FOXP2: variants seen among roughly 807,000 people sequenced by gnomAD.
FOXP2 encodes forkhead box P2, also known as forkhead box protein P2.
In FOXP2, 12 loss-of-function variants were observed where a neutral mutation model predicts 115.8. The observed-to-expected ratio is 0.10, with a 90% CI of 0.07 to 0.17. The LOEUF is 0.17. FOXP2 is among the 10% of genes least tolerant of loss of function. The pLI is 1.00. For synonymous variants in FOXP2, 328 were observed against 297.7 expected (o/e 1.10, Z -1.05); for missense variants, 629 against 843.5 (o/e 0.75, Z 3.15).
At chr7:114,095,711 A>G (rs1266740515) in intron 1 of FOXP2, among the ~76,000 whole-genome samples, 2 of 152,254 alleles carry the variant, frequency 1.3e-5, no homozygotes, top group Non-Finnish European at 2.9e-5. Context: ...GCTCATTTAT[A>G]TATTTAGCTG....
chr7:114,118,853 A>C (rs1367850115), intron 1 of FOXP2, among the ~76,000 whole-genome samples: 1 of 152,082 alleles, frequency 6.6e-6, no homozygotes, highest in Non-Finnish European at 1.5e-5. Context: ...AGTACTTAAG[A>C]GTGGATGATG....
chr7:114,553,934 A>G (rs1800332179), intron 3 of FOXP2, among the ~76,000 whole-genome samples: 1 of 152,102 alleles, frequency 6.6e-6, no homozygotes, highest in Non-Finnish European at 1.5e-5. Flanking sequence ...ATCTGATTGC[A>G]TTCCTTATTG....
Position 114,365,357 on chromosome 7 carries a change from A to G in FOXP2, c.-10-61145A>G, listed in dbSNP as rs1475576890. ...TATATCAAAACCTTAGTTTTAGAAT[A>G]AGTAGATTATAGAATGTACACAGAG... On this transcript the variant is annotated intron_variant, in intron 2 of 17. Transcript: ENST00000634411. Among the ~76,000 whole-genome samples the G allele has an allele frequency of 3.3e-5, 5 of 152,166 alleles. No individual in the cohort carries two copies. The East Asian group carries it at 7.7e-4, about 23-fold the overall frequency.
chr7:114,334,238 G>A (rs1797784541), intron 2 of FOXP2, among the ~76,000 whole-genome samples: 1 of 152,024 alleles, frequency 6.6e-6, no homozygotes, highest in African/African-American at 2.4e-5. Flanking sequence ...TCCATTCATT[G>A]CATGCTGTAT....
At position 114,659,619 on chromosome 7, in the gene FOXP2, C is replaced by T; in HGVS notation, c.1593C>T (p.Tyr531=). The T allele has an allele frequency of 1.2e-6, 2 of 1,613,712 alleles. No individual in the cohort carries two copies. Among genetic ancestry groups the T allele is most frequent in the Non-Finnish European group, 1.7e-6 (2 of 1,179,736 alleles). The change falls in exon 13 of 17, where the codon TAC becomes TAT. Residue 531 remains tyrosine (Y), a synonymous_variant. Transcript: ENST00000350908. ...GGCAGTTAACACTTAATGAAATTTACAGCTGGTTTACACGGACATTTGCTT... is the reference window on the plus strand; with the variant it reads ...GGCAGTTAACACTTAATGAAATTTATAGCTGGTTTACACGGACATTTGCTT... ...SDRQLTLNEI[Y]SWFTRTFAYF...
chr7:114,168,337 C>G (rs758602241), intron 1 of FOXP2, among the ~76,000 whole-genome samples: 8 of 152,190 alleles, frequency 5.3e-5, no homozygotes, highest in South Asian at 2.1e-4. Flanking sequence ...ATTCTGATAG[C>G]AATATGGACG....
At chr7:114,535,767 T>G (rs1799359594) in intron 3 of FOXP2, among the ~76,000 whole-genome samples, 1 of 151,588 alleles carries the variant, frequency 6.6e-6, no homozygotes, top group Admixed American at 6.6e-5. Flanking sequence ...GGGAACAAAG[T>G]CATCTGTGGA....
chr7:114,466,911 A>T (rs1795822042), intron 2 of FOXP2, among the ~76,000 whole-genome samples: 2 of 152,228 alleles, frequency 1.3e-5, no homozygotes, highest in South Asian at 4.1e-4. Flanking sequence ...TTGAAATTGT[A>T]AATATAACAC....
chr7:114,149,493 G>A (rs1792472536), intron 1 of FOXP2, among the ~76,000 whole-genome samples: 1 of 151,982 alleles, frequency 6.6e-6, no homozygotes, highest in South Asian at 2.1e-4. Context: ...TTTACAAAAA[G>A]TGCCTTCTAG....
intron 1 of FOXP2, among the ~76,000 whole-genome samples, chr7:114,132,030 G>A (rs959406375): frequency 1.3e-5 from 2 of 151,926 alleles, no homozygotes; most frequent in African/African-American, 2.4e-5. Flanking sequence ...TTATTGTTAT[G>A]TCTTCTTGGA....
chr7:114,127,090 C>T (rs116847546), intron 1 of FOXP2, among the ~76,000 whole-genome samples: 63 of 152,252 alleles, frequency 4.1e-4, no homozygotes, highest in Non-Finnish European at 7.6e-4. Flanking sequence ...TCCAATCTCA[C>T]GTCGTTGTTG....
intron 2 of FOXP2, among the ~76,000 whole-genome samples, chr7:114,395,561 T>C (rs545397943): frequency 6.6e-6 from 1 of 152,296 alleles, no homozygotes; most frequent in Non-Finnish European, 1.5e-5. Flanking sequence ...AAGGAATTTT[T>C]ATGTGTAAGA....
intron 1 of FOXP2, among the ~76,000 whole-genome samples, chr7:114,098,499 C>T (rs932807753): frequency 2.0e-5 from 3 of 152,046 alleles, no homozygotes; most frequent in Non-Finnish European, 4.4e-5. Context: ...ATAAACGGTG[C>T]TGGGAAAACT....
chr7:114,342,892 A>G (rs542218308), intron 2 of FOXP2, among the ~76,000 whole-genome samples: 1 of 151,612 alleles, frequency 6.6e-6, no homozygotes, highest in South Asian at 2.1e-4. Context: ...TTACTTAAAG[A>G]AAAGTTTACT....
intron 1 of FOXP2, among the ~76,000 whole-genome samples, chr7:114,239,557 T>C (rs1795099365): frequency 1.3e-5 from 2 of 152,196 alleles, no homozygotes; most frequent in Non-Finnish European, 2.9e-5. Context: ...TGGGATTAAG[T>C]TGGAAGACAG....
chr7:114,382,130 G>A (rs1188564194), intron 2 of FOXP2, among the ~76,000 whole-genome samples: 1 of 152,164 alleles, frequency 6.6e-6, no homozygotes, highest in Non-Finnish European at 1.5e-5. Context: ...CTTAGTGGCT[G>A]GGAGAAGTAT....
intron 2 of FOXP2, among the ~76,000 whole-genome samples, chr7:114,296,146 T>C (rs1796736506): frequency 6.6e-6 from 1 of 152,236 alleles, no homozygotes; most frequent in Non-Finnish European, 1.5e-5. Context: ...TTCAGTACAA[T>C]TAAATGTTAA....
chr7:114,580,130 C>T (rs530480752), intron 3 of FOXP2, among the ~76,000 whole-genome samples: 1 of 152,276 alleles, frequency 6.6e-6, no homozygotes, highest in East Asian at 1.9e-4. Context: ...CATAACTAGA[C>T]CATCCTACTT....
In FOXP2 at chr7:114,692,007, C is replaced by T. The variant is rs540447020; in HGVS notation, c.*2081C>T. 4.4e-6 allele frequency: 2 copies of T among 450,388 alleles called. No homozygotes were observed. Among genetic ancestry groups the T allele is most frequent in the Admixed American group, 2.4e-5 (1 of 42,046 alleles). 27.9% of individuals were successfully genotyped at this position (450,388 alleles called of 1,614,324 possible). On this transcript the variant is annotated 3_prime_UTR_variant, in exon 17 of 17. Coordinates refer to ENST00000350908, the MANE Select transcript of FOXP2 (RefSeq NM_014491.4). Reference sequence around the variant, plus strand: ...GATTGCATGAAACGTGAGAACGTCACAGTAACTGCTACTTTTCATTATGTT... The same window carrying T: ...GATTGCATGAAACGTGAGAACGTCATAGTAACTGCTACTTTTCATTATGTT...
Sources: allele counts gnomAD v4.1 joint callset (sites outside exome capture counted in the v4.1 genomes callset), GRCh38; gene constraint gnomAD v4.1.1; transcripts MANE v1.5; gene names NCBI Gene and HGNC (gene_info 2026-07-23, HGNC 2026-07-21).